The following SYT9 variants were observed in gnomAD, a reference collection of about 807,000 sequenced individuals.
SYT9 encodes the protein synaptotagmin-9.
Under a neutral mutation model 48.4 loss-of-function variants are expected in SYT9, and 22 were observed. The ratio of observed to expected loss-of-function variants is 0.45; its 90% CI spans 0.32 to 0.65. The LOEUF (loss-of-function observed/expected upper bound fraction) is 0.65. SYT9 is among the 30% of genes least tolerant of loss of function. The pLI, the probability that SYT9 is intolerant of heterozygous loss-of-function variation, is 0.03. For missense variants in SYT9, 577 were observed against 622.0 expected (o/e 0.93, Z 0.77); for synonymous variants, 265 against 245.0 (o/e 1.08, Z -0.76).
intron 3 of SYT9, among the ~76,000 whole-genome samples, chr11:7,388,770 CTAGT>C (rs1450656911): frequency 1.3e-5 from 2 of 152,072 alleles, no homozygotes; most frequent in African/African-American, 4.8e-5. Flanking sequence ...TGGAAACATT[CTAGT>C]TATCTTTTCA....
intron 3 of SYT9, among the ~76,000 whole-genome samples, chr11:7,404,271 G>C (rs754852704): frequency 2.6e-5 from 4 of 152,002 alleles, no homozygotes; most frequent in Non-Finnish European, 5.9e-5. Flanking sequence ...TTATTTAGAG[G>C]TTCAGACCAT....
At chr11:7,365,233 A>G (rs537087741) in intron 3 of SYT9, among the ~76,000 whole-genome samples, 2 of 152,266 alleles carry the variant, frequency 1.3e-5, no homozygotes, top group South Asian at 2.1e-4. Context: ...GGGGTGGGGA[A>G]ATGGGAACAA....
At chr11:7,352,595 C>T (rs1445135100) in intron 3 of SYT9, among the ~76,000 whole-genome samples, 2 of 152,136 alleles carry the variant, frequency 1.3e-5, no homozygotes, top group Admixed American at 6.5e-5. Flanking sequence ...TTTAAGAATA[C>T]TCAGTGAACT....
intron 2 of SYT9, among the ~76,000 whole-genome samples, chr11:7,308,814 T>G (rs962250416): frequency 6.6e-6 from 1 of 152,216 alleles, no homozygotes; most frequent in Admixed American, 6.5e-5. Flanking sequence ...AATTCGAATT[T>G]GTTGAATTGC....
At chr11:7,385,367 T>TGTGCGC (rs1850638330) in intron 3 of SYT9, among the ~76,000 whole-genome samples, 1 of 149,908 alleles carries the variant, frequency 6.7e-6, no homozygotes, top group African/African-American at 2.5e-5. Flanking sequence ...TGTGTGTGTG[T>TGTGCGC]GTGCGTGTGT....
At chr11:7,349,187 C>T (rs992553576) in intron 3 of SYT9, among the ~76,000 whole-genome samples, 1 of 148,086 alleles carries the variant, frequency 6.8e-6, no homozygotes, top group African/African-American at 2.4e-5. Context: ...CGAGCATTGC[C>T]GGGGACTGGG....
intron 3 of SYT9, among the ~76,000 whole-genome samples, chr11:7,361,694 A>T (rs1015528887): frequency 6.6e-6 from 1 of 152,202 alleles, no homozygotes; most frequent in African/African-American, 2.4e-5. Context: ...GTTCAGGGTC[A>T]TTATATCTTC....
chr11:7,340,983 A>G (rs1849703135), intron 3 of SYT9, among the ~76,000 whole-genome samples: 1 of 152,222 alleles, frequency 6.6e-6, no homozygotes, highest in Non-Finnish European at 1.5e-5. Context: ...GAAAGTATCA[A>G]CAGTGAAGGT....
At chr11:7,452,699 G>C (rs1848076846) in intron 6 of SYT9, among the ~76,000 whole-genome samples, 2 of 152,204 alleles carry the variant, frequency 1.3e-5, no homozygotes, top group South Asian at 4.2e-4. Context: ...AATGGAGCCA[G>C]TTGCCCAGAG....
At chr11:7,303,436 A>G (rs1848974017) in intron 2 of SYT9, 46 bp downstream of exon 2, 3 of 1,492,188 alleles carry the variant, frequency 2.0e-6, no homozygotes, top group Admixed American at 3.9e-5. Flanking sequence ...GGACCACCCC[A>G]TTCCCCTCTC....
chr11:7,410,020 C>G (rs1033681116), intron 3 of SYT9, among the ~76,000 whole-genome samples: 2 of 152,152 alleles, frequency 1.3e-5, no homozygotes, highest in Non-Finnish European at 2.9e-5. Flanking sequence ...TGCTTTCACT[C>G]TATCCCATTG....
Position 7,417,483 on chromosome 11 carries a change from C to G in SYT9, c.1166-474C>G, listed in dbSNP as rs114193414. Among the ~76,000 whole-genome samples, 556 of 152,224 alleles carry G rather than the reference C, an allele frequency of 3.7e-3. 3 individuals are homozygous for G. The highest frequency in any genetic ancestry group is 0.013 in the African/African-American group (533 of 41,540). On this transcript the variant is annotated intron_variant, in intron 4 of 6. Transcript: ENST00000318881. The stretch of plus-strand genomic sequence containing the variant: ...AGGCCACTCTAGGGGCTCAAGGTCT[C>G]TATACTTAAGGAATTCCACTCCCAG...
At chr11:7,251,888 G>C, upstream of SYT9, 1 of 291,420 alleles carries the variant, frequency 3.4e-6, no homozygotes, top group Non-Finnish European at 6.3e-6. Flanking sequence ...AGCGGGCGGA[G>C]CGCAAGCAGA....
At chr11:7,324,874 T>C (rs550926498) in intron 3 of SYT9, among the ~76,000 whole-genome samples, 1 of 152,114 alleles carries the variant, frequency 6.6e-6, no homozygotes, top group East Asian at 1.9e-4. Flanking sequence ...ACATCTTGAA[T>C]AATATTTTTC....
intron 3 of SYT9, among the ~76,000 whole-genome samples, chr11:7,408,209 A>T (rs1489405085): frequency 1.3e-5 from 2 of 151,828 alleles, no homozygotes; most frequent in Middle Eastern, 3.2e-3. Context: ...GCTTACCGCA[A>T]CCTCCACCTC....
intron 1 of SYT9, among the ~76,000 whole-genome samples, chr11:7,246,505 A>G (rs1013075391): frequency 1.6e-4 from 24 of 152,294 alleles, no homozygotes; most frequent in Middle Eastern, 6.8e-3. Context: ...TACTTCTTCA[A>G]TTTCCATGTA....
Position 7,290,187 on chromosome 11 carries a change from A to T in SYT9, c.146-12852A>T, listed in dbSNP as rs547401784. ...AGGGAAAATTTTGAACCAGGAGTCCACTCTCTATTCTGACACTAGGCAACC... is the reference window on the plus strand; with the variant it reads ...AGGGAAAATTTTGAACCAGGAGTCCTCTCTCTATTCTGACACTAGGCAACC... On this transcript the variant is annotated intron_variant, in intron 1 of 6. Transcript: ENST00000318881. Among the ~76,000 whole-genome samples, 119 of 152,236 alleles carry T rather than the reference A, an allele frequency of 7.8e-4. 1 individual carries two copies. The highest frequency in any genetic ancestry group is 2.0e-3 in the Admixed American group (30 of 15,300).
At chr11:7,267,838 G>T (rs1192133442) in intron 1 of SYT9, among the ~76,000 whole-genome samples, 5 of 151,706 alleles carry the variant, frequency 3.3e-5, no homozygotes, top group African/African-American at 1.2e-4. Flanking sequence ...AATAAATATT[G>T]TGCTATTCTG....
chr11:7,375,299 A>G (rs1179448209), intron 3 of SYT9, among the ~76,000 whole-genome samples: 1 of 152,194 alleles, frequency 6.6e-6, no homozygotes, highest in Non-Finnish European at 1.5e-5. Context: ...TACCAGTACC[A>G]TGCTGTTTTG....
Sources: allele counts gnomAD v4.1 joint callset (sites outside exome capture counted in the v4.1 genomes callset), GRCh38; gene constraint gnomAD v4.1.1; transcripts MANE v1.5; gene names NCBI Gene and HGNC (gene_info 2026-07-23, HGNC 2026-07-21).